Variants in MACF1 observed in about 807,000 individuals in gnomAD.
MACF1 encodes the protein microtubule actin crosslinking factor 1.
MACF1 carries 193 observed loss-of-function variants against 854.8 expected under a neutral mutation model. The ratio of observed to expected loss-of-function variants is 0.23; its 90% CI spans 0.20 to 0.25. The LOEUF is 0.25. MACF1 is among the 10% of genes least tolerant of loss of function. The pLI is 1.00. For missense variants in MACF1, 7,722 were observed against 8,929.1 expected, an observed-to-expected ratio of 0.86 and a Z score of 5.45; for synonymous variants, 3,185 against 3,226.7, an observed-to-expected ratio of 0.99 and a Z score of 0.44.
intron 44 of MACF1, among the ~76,000 whole-genome samples, chr1:39,353,715 C>T (rs1647287571): frequency 6.6e-6 from 1 of 152,142 alleles, no homozygotes. Flanking sequence ...TGATACTCCT[C>T]CCACAATTAA....
chr1:39,102,170 G>GTC (rs958678120), intron 2 of MACF1, among the ~76,000 whole-genome samples: 1 of 143,102 alleles, frequency 7.0e-6, no homozygotes, highest in Non-Finnish European at 1.5e-5. Flanking sequence ...GCGAGACTCC[G>GTC]TCAAAAAAAA....
chr1:39,340,654 C>G lies in MACF1; in HGVS notation c.10368C>G (p.Ser3456Arg). Residue 3456 changes from serine to arginine, a missense_variant, in exon 39 of 101, where the codon AGC becomes AGG. Coordinates refer to ENST00000564288, the MANE Select transcript of MACF1 (RefSeq NM_001394062.1). ...CCAAGAATCTTCAGAAGTCTCTCAG[C>G]TCTGTGAGTGACACTTGGAATTCCA... ...KDAKNLQKSLSSVSDTWNSRL... is the reference protein window; with the variant it reads ...KDAKNLQKSLRSVSDTWNSRL... The G allele has an allele frequency of 6.2e-7, 1 of 1,614,160 alleles. No individual in the cohort carries two copies. Among genetic ancestry groups the G allele is most frequent in the East Asian group, 2.2e-5 (1 of 44,880 alleles).
chr1:39,414,323 A>G, intron 58 of MACF1: 21 of 1,613,990 alleles, frequency 1.3e-5, no homozygotes, highest in Non-Finnish European at 1.6e-5. Context: ...CCTATTTCAG[A>G]AGAAGGAACA....
At chr1:39,402,880 C>T (rs774502696) in intron 58 of MACF1, among the ~76,000 whole-genome samples, 4 of 152,146 alleles carry the variant, frequency 2.6e-5, no homozygotes, top group African/African-American at 9.7e-5. Context: ...TCTCTGGCTG[C>T]TCTTCTGCTT....
intron 28 of MACF1, 24 bp downstream of exon 28, chr1:39,316,553 G>A: frequency 6.2e-7 from 1 of 1,603,960 alleles, no homozygotes; most frequent in Non-Finnish European, 8.5e-7. Flanking sequence ...AGTTTCTTAG[G>A]AGGTTGACCT....
rs147984914 is a variant in MACF1 at position 39,158,670 on chromosome 1, A to G, written c.221-72512A>G. 1.3e-3 allele frequency among the ~76,000 whole-genome samples: 201 copies of G among 152,302 alleles called. 3 individuals are homozygous for G. The East Asian group carries it at 0.023, about 17-fold the overall frequency. ...CTGGGGTCTAGAGAGAAGGTGGCAGATGAGGTGGCAGATGACAGGCAGGGG... is the reference window on the plus strand; with the variant it reads ...CTGGGGTCTAGAGAGAAGGTGGCAGGTGAGGTGGCAGATGACAGGCAGGGG... On this transcript the variant is annotated intron_variant, in intron 2 of 93. Transcript: ENST00000361689.
chr1:39,109,923 C>CT (rs1222417946), intron 2 of MACF1, among the ~76,000 whole-genome samples: 1 of 152,160 alleles, frequency 6.6e-6, no homozygotes, highest in African/African-American at 2.4e-5. Flanking sequence ...CTTTAAGTGA[C>CT]ATACATTTCC....
At chr1:39,373,355 G>A (rs1354831155) in intron 52 of MACF1, 1 of 151,306 alleles carries the variant, frequency 6.6e-6, no homozygotes, top group Non-Finnish European at 1.5e-5. Flanking sequence ...TATAGTCCCA[G>A]CTACTCGGGA....
chr1:39,295,743 C>A, intron 19 of MACF1, 44 bp from the exon 20 acceptor site: 1 of 1,378,888 alleles, frequency 7.3e-7, no homozygotes, highest in South Asian at 1.2e-5. Flanking sequence ...TATATTGAGT[C>A]TGTTAAACTC....
chr1:39,202,470 A>T (rs1234475286), upstream of MACF1, among the ~76,000 whole-genome samples: 1 of 151,428 alleles, frequency 6.6e-6, no homozygotes, highest in African/African-American at 2.4e-5. Context: ...CCCCATCTCT[A>T]CTAAAAATAG....
At chr1:39,318,657 A>G in intron 30 of MACF1, 42 bp downstream of exon 30, 1 of 1,521,800 alleles carries the variant, frequency 6.6e-7, no homozygotes, top group African/African-American at 1.4e-5. Flanking sequence ...TTAGAAATTT[A>G]AATTTTCTTT....
In MACF1 at chr1:39,433,147, G is replaced by T. The variant is rs960256833; in HGVS notation, c.17557G>T (p.Val5853Leu). 1.3e-6 allele frequency: 2 copies of T among 1,578,292 alleles called. No homozygotes were observed. Among genetic ancestry groups the T allele is most frequent in the Admixed American group, 1.7e-5 (1 of 58,692 alleles). Residue 5853 changes from valine to leucine, a missense_variant, in exon 68 of 101, where the codon GTA becomes TTA. By Grantham distance (32) the Val-to-Leu change is conservative. Around this residue, in one of 15 missense-constraint regions of MACF1, gnomAD observed 2,807 missense variants for 3,235.8 expected, o/e 0.87. Transcript: ENST00000564288. ...FGTCGEEQKT[V>L]LQEKTESLIQ... ...CACATGTGGGGAGGAGCAAAAAACT[G>T]TATTACAGGTGAATTACATTTATTT... is the stretch of plus-strand genomic sequence containing the variant.
At chr1:39,194,589 C>T (rs990119632) in intron 2 of MACF1, among the ~76,000 whole-genome samples, 3 of 151,856 alleles carry the variant, frequency 2.0e-5, no homozygotes, top group South Asian at 2.1e-4. Context: ...TGATCCACCC[C>T]GCCTCAGCCT....
At chr1:39,326,604 C>G (rs1646616540) in intron 35 of MACF1, among the ~76,000 whole-genome samples, 1 of 149,684 alleles carries the variant, frequency 6.7e-6, no homozygotes, top group Non-Finnish European at 1.5e-5. Flanking sequence ...TCACTTGAAC[C>G]TGGGAAGTGG....
chr1:39,455,388 G>A (rs1472578667), intron 89 of MACF1, among the ~76,000 whole-genome samples: 1 of 152,128 alleles, frequency 6.6e-6, no homozygotes, highest in Non-Finnish European at 1.5e-5. Context: ...CAGGATGTTG[G>A]CAGAATCCAG....
rs1211524982 is a variant in MACF1 at position 39,287,632 on chromosome 1, C to G, written c.1785+70C>G. ...GGATCTGGAAGCTTATCTAAGAGGA[C>G]CAAATTGCTTTGTGTTCCCTGTGCA... On this transcript the variant is annotated intron_variant, in intron 15 of 100. Transcript: ENST00000564288. The G allele has an allele frequency of 3.2e-6, 5 of 1,545,840 alleles. No individual in the cohort carries two copies. The Middle Eastern group carries it at 1.0e-3, about 310-fold the overall frequency.
Position 39,447,606 on chromosome 1 carries a change from T to A in MACF1, c.19761+19T>A, listed in dbSNP as rs1452842452. ...GCACAAGGTAAGTATGATATTATGA[T>A]GCTGCATTCTTTTTGAAAGCACTAA... On this transcript the variant is annotated intron_variant, in intron 81 of 100. Coordinates refer to ENST00000564288, the MANE Select transcript of MACF1 (RefSeq NM_001394062.1). 1 of 1,613,826 alleles carries A rather than the reference T, an allele frequency of 6.2e-7. No individual in the cohort carries two copies. Among genetic ancestry groups the A allele is most frequent in the Non-Finnish European group, 8.5e-7 (1 of 1,179,744 alleles).
rs770292807 is a variant in MACF1 at position 39,334,815 on chromosome 1, G to A, written c.8227G>A (p.Val2743Ile). The A allele has an allele frequency of 2.5e-6, 4 of 1,614,144 alleles. No individual in the cohort carries two copies. Among genetic ancestry groups the A allele is most frequent in the East Asian group, 2.2e-5 (1 of 44,872 alleles). Reference protein sequence around the residue: ...DIFSDQRVTLVEAIEKRLISP... With the variant: ...DIFSDQRVTLIEAIEKRLISP... ...ATTTAGTGATCAGAGAGTGACTTTA[G>A]TAGAAGCTATTGAGAAAAGACTGAT... is the stretch of plus-strand genomic sequence containing the variant. The change falls in exon 37 of 101, where the codon GTA (valine) becomes ATA (isoleucine). Residue 2743 changes from valine (V) to isoleucine (I), a missense_variant. Val to Ile is a conservative substitution (Grantham distance 29). Coordinates refer to ENST00000564288, the MANE Select transcript of MACF1 (RefSeq NM_001394062.1).
At chr1:39,233,863 A>G (rs1377833875) in intron 2 of MACF1, among the ~76,000 whole-genome samples, 1 of 130,716 alleles carries the variant, frequency 7.7e-6, no homozygotes, top group Non-Finnish European at 1.6e-5. Context: ...GTCATAGGAC[A>G]ATAGTGGAGG....
Sources: allele counts gnomAD v4.1 joint callset (sites outside exome capture counted in the v4.1 genomes callset), GRCh38; gene constraint gnomAD v4.1.1; regional missense constraint gnomAD v4.1.1; transcripts MANE v1.5; gene names NCBI Gene and HGNC (gene_info 2026-07-23, HGNC 2026-07-21).